SCN1A: variants seen among roughly 807,000 people sequenced by gnomAD.
SCN1A encodes the protein sodium voltage-gated channel alpha subunit 1, also known as sodium channel protein type 1 subunit alpha.
A neutral mutation model predicts 193.7 loss-of-function variants in SCN1A; 13 were observed. The observed-to-expected ratio is 0.07, with a 90% CI of 0.04 to 0.11. The LOEUF (loss-of-function observed/expected upper bound fraction) is 0.11. Among genes scored for constraint, SCN1A ranks in the 10% least tolerant of loss-of-function variants. The pLI is 1.00. For synonymous variants in SCN1A, 781 were observed against 843.6 expected, an observed-to-expected ratio of 0.93 and a Z score of 1.29; for missense variants, 1,432 against 2,451.1, an observed-to-expected ratio of 0.58 and a Z score of 8.78.
Position 166,105,032 on chromosome 2 carries a change from T to C in SCN1A, c.-142+21892A>G, listed in dbSNP as rs571852870. The stretch of plus-strand genomic sequence containing the variant: ...AACCTCAGTGAAGTCCTAGGGGAAA[T>C]AGCTTATATCATATGTCTTACTCCT... On this transcript the variant is annotated intron_variant, in intron 2 of 28. Coordinates refer to ENST00000674923, the MANE Select transcript of SCN1A (RefSeq NM_001165963.4). 1.4e-4 allele frequency among the ~76,000 whole-genome samples: 21 copies of C among 152,348 alleles called. No individual in the cohort carries two copies. In the East Asian group the frequency reaches 3.3e-3, roughly 24 times the overall value.
At chr2:166,052,822 G>A (rs1361493842) in intron 8 of SCN1A, 30 bp downstream of exon 8, 1 of 1,522,172 alleles carries the variant, frequency 6.6e-7, no homozygotes, top group Non-Finnish European at 9.1e-7. Flanking sequence ...CACATGATGG[G>A]TCCGTCTCAT....
At chr2:166,128,735 T>C (rs1345923748), upstream of SCN1A, among the ~76,000 whole-genome samples, 1 of 152,188 alleles carries the variant, frequency 6.6e-6, no homozygotes, top group African/African-American at 2.4e-5. Context: ...AGCCTAAAGC[T>C]TAATTATAAT....
At position 166,047,639 on chromosome 2, in the gene SCN1A, A is replaced by G. The variant is rs1257766000; in HGVS notation, c.1158T>C (p.Asn386=). The G allele has an allele frequency of 1.9e-6, 3 of 1,613,516 alleles. No individual in the cohort carries two copies. The highest frequency in any genetic ancestry group is 2.2e-5 in the South Asian group (2 of 91,074). Reference sequence around the variant, plus strand: ...CTTTAGTTCTCACCAGTTGATAAAGATTTTCCCAGAAGTCCTGAGTCATTA... The same window carrying G: ...CTTTAGTTCTCACCAGTTGATAAAGGTTTTCCCAGAAGTCCTGAGTCATTA... The part of the protein sequence containing the change: ...FRLMTQDFWE[N]LYQLTLRAAG... Residue 386 remains asparagine (N), a synonymous_variant, in exon 11 of 29, where the codon AAT becomes AAC. Transcript: ENST00000674923.
chr2:166,026,295 T>C (rs1410606375), intron 19 of SCN1A, among the ~76,000 whole-genome samples: 9 of 152,166 alleles, frequency 5.9e-5, no homozygotes, highest in Non-Finnish European at 1.3e-4. Context: ...AACCAGTATA[T>C]TTGCATCAAT....
intron 25 of SCN1A, among the ~76,000 whole-genome samples, chr2:165,998,688 A>G (rs1690423680): frequency 6.6e-6 from 1 of 151,336 alleles, no homozygotes; most frequent in South Asian, 2.1e-4. Flanking sequence ...TCCTCAGTTG[A>G]TTATTTAATT....
chr2:166,102,427 C>A (rs1290871537), intron 2 of SCN1A, among the ~76,000 whole-genome samples: 3 of 147,452 alleles, frequency 2.0e-5, no homozygotes, highest in African/African-American at 7.6e-5. Context: ...ACCCAGGAGG[C>A]GGAGCTTGGA....
intron 4 of SCN1A, among the ~76,000 whole-genome samples, chr2:166,067,193 T>G (rs1334352237): frequency 6.6e-6 from 1 of 152,186 alleles, no homozygotes; most frequent in East Asian, 1.9e-4. Flanking sequence ...TAGAAGCTAA[T>G]CTAGATCACT....
intron 25 of SCN1A, among the ~76,000 whole-genome samples, chr2:165,998,686 T>C (rs1004885266): frequency 1.3e-5 from 2 of 151,344 alleles, no homozygotes; most frequent in Non-Finnish European, 3.0e-5. Flanking sequence ...AATCCTCAGT[T>C]GATTATTTAA....
chr2:166,115,891 A>C (rs1339794085), intron 2 of SCN1A, among the ~76,000 whole-genome samples: 1 of 152,208 alleles, frequency 6.6e-6, no homozygotes, highest in African/African-American at 2.4e-5. Flanking sequence ...GAGATGATAG[A>C]AATGTATACA....
intron 26 of SCN1A, 61 bp downstream of exon 26, chr2:165,997,977 G>C (rs1690308521): frequency 4.3e-6 from 6 of 1,402,692 alleles, no homozygotes; most frequent in African/African-American, 1.4e-5. Flanking sequence ...ATTTGGCAGA[G>C]AAAACACTCC....
intron 2 of SCN1A, among the ~76,000 whole-genome samples, chr2:166,111,632 T>C (rs1442130124): frequency 6.6e-6 from 1 of 152,166 alleles, no homozygotes. Context: ...TATAAGACTA[T>C]AGCTGCTATA....
In SCN1A at chr2:166,141,583, C is replaced by G. The variant is rs115076133; in HGVS notation, c.-50+7464G>C. 7.3e-3 allele frequency among the ~76,000 whole-genome samples: 1,103 copies of G among 152,054 alleles called. 11 individuals carry two copies. The highest frequency in any genetic ancestry group is 0.025 in the African/African-American group (1,030 of 41,466). Reference sequence around the variant, plus strand: ...TCACACAATATATATGGCTGTAAACCTAGTTTAAGTTACATAATTTATCTC... The same window carrying G: ...TCACACAATATATATGGCTGTAAACGTAGTTTAAGTTACATAATTTATCTC... On this transcript the variant is annotated intron_variant, in intron 1 of 26. Transcript: ENST00000635750.
chr2:166,110,599 T>C lies in SCN1A; in HGVS notation c.-142+16325A>G, dbSNP rs142660682. Among the ~76,000 whole-genome samples, 271 of 152,132 alleles carry C rather than the reference T, an allele frequency of 1.8e-3. 4 individuals are homozygous for C. The East Asian group carries it at 0.029, about 17-fold the overall frequency. On this transcript the variant is annotated intron_variant, in intron 2 of 28. Coordinates refer to ENST00000674923, the MANE Select transcript of SCN1A (RefSeq NM_001165963.4). Reference sequence around the variant, plus strand: ...GAAGAAAAGTTTGAAGTTAGCAGAGTTTGGTTTATGAGGTTTAAGGAAAGA... The same window carrying C: ...GAAGAAAAGTTTGAAGTTAGCAGAGCTTGGTTTATGAGGTTTAAGGAAAGA...
At position 166,046,935 on chromosome 2, in the gene SCN1A, T is replaced by C. The variant is rs7580482; in HGVS notation, c.1212A>G (p.Val404=). The C allele has an allele frequency of 0.69, 1,117,692 of 1,613,478 alleles. 389,946 individuals are homozygous for C. Among genetic ancestry groups the C allele is most frequent in the East Asian group, 0.89 (40,154 of 44,870 alleles). Reference sequence around the variant, plus strand: ...AGAATGAGCCCAAGAAAATGACCAATACAAAAAATATCATGTACGTTTTCC... The same window carrying C: ...AGAATGAGCCCAAGAAAATGACCAACACAAAAAATATCATGTACGTTTTCC... The part of the protein sequence containing the change: ...AAGKTYMIFF[V]LVIFLGSFYL... The change falls in exon 12 of 29, where the codon GTA becomes GTG. Residue 404 remains valine, a synonymous_variant. Transcript: ENST00000674923.
At chr2:166,110,763 A>G (rs895009098) in intron 2 of SCN1A, among the ~76,000 whole-genome samples, 1 of 152,174 alleles carries the variant, frequency 6.6e-6, no homozygotes, top group African/African-American at 2.4e-5. Context: ...CTTGAATTGT[A>G]GCTCCCATAA....
chr2:166,121,891 G>T (rs1037907089), intron 2 of SCN1A, among the ~76,000 whole-genome samples: 1 of 152,164 alleles, frequency 6.6e-6, no homozygotes, highest in Non-Finnish European at 1.5e-5. Context: ...TTAGTGAAAT[G>T]AGACTTTTAG....
chr2:166,110,383 A>G (rs1689164916), intron 2 of SCN1A, among the ~76,000 whole-genome samples: 1 of 152,210 alleles, frequency 6.6e-6, no homozygotes, highest in Non-Finnish European at 1.5e-5. Flanking sequence ...ATATTCTTGA[A>G]GGAAATTAAA....
At chr2:166,090,555 G>T (rs1686685117) in intron 2 of SCN1A, among the ~76,000 whole-genome samples, 1 of 152,138 alleles carries the variant, frequency 6.6e-6, no homozygotes, top group African/African-American at 2.4e-5. Flanking sequence ...CTCTCTTTAA[G>T]CAGAAGCCAG....
rs144782465 is a variant in SCN1A, at chr2:166,103,085, A to G, written c.-142+23839T>C. ...ATTTGGGAGATATATATATATATATATGACGGTTTCTGTTCTAGAGGAGCA... is the reference window on the plus strand; with the variant it reads ...ATTTGGGAGATATATATATATATATGTGACGGTTTCTGTTCTAGAGGAGCA... On this transcript the variant is annotated intron_variant, in intron 2 of 28. Transcript: ENST00000674923. Among the ~76,000 whole-genome samples, 115 of 152,050 alleles carry G rather than the reference A, an allele frequency of 7.6e-4. 1 individual carries two copies. The highest frequency in any genetic ancestry group is 2.7e-3 in the African/African-American group (114 of 41,466).
Sources: gnomAD v4.1 joint callset for allele counts (sites outside exome capture counted in the v4.1 genomes callset) on GRCh38, gnomAD v4.1.1 for gene constraint, MANE v1.5 for transcripts, NCBI Gene and HGNC (gene_info 2026-07-23, HGNC 2026-07-21) for gene names.